STAU2: variants seen among roughly 807,000 people sequenced by gnomAD.
STAU2 encodes staufen double-stranded RNA binding protein 2.
A neutral mutation model predicts 65.9 loss-of-function variants in STAU2; 20 were observed. That is an observed-to-expected ratio of 0.30 (90% CI 0.21 to 0.44). The LOEUF (loss-of-function observed/expected upper bound fraction) is 0.44, where lower values mean the gene tolerates loss of function less well. Among genes scored for constraint, STAU2 ranks in the 20% least tolerant of loss-of-function variants. The pLI is 1.00. For missense variants in STAU2, 558 were observed against 683.9 expected (o/e 0.82, Z 2.05); for synonymous variants, 232 against 233.9 (o/e 0.99, Z 0.07).
At chr8:73,593,437 G>C (rs942734997) in intron 11 of STAU2, among the ~76,000 whole-genome samples, 1 of 152,262 alleles carries the variant, frequency 6.6e-6, no homozygotes, top group African/African-American at 2.4e-5. Context: ...AGAACGATCA[G>C]CTCCTTGAGT....
chr8:73,458,932 C>G (rs548313553), intron 13 of STAU2: 1 of 152,202 alleles, frequency 6.6e-6, no homozygotes, highest in Non-Finnish European at 1.5e-5. Flanking sequence ...GGCCAGGGAA[C>G]AGGGCCACAC....
In STAU2 at chr8:73,454,609, A is replaced by C. The variant is rs188734809; in HGVS notation, c.1531-31907T>G. On this transcript the variant is annotated intron_variant, in intron 13 of 14. Transcript: ENST00000524300. ...TCACTCTGTCCCAACAGGACATGCC[A>C]ATCATTTATCCATCCACTCTCTTCT... 1.7e-3 allele frequency among the ~76,000 whole-genome samples: 258 copies of C among 152,320 alleles called. 1 individual carries two copies. The highest frequency in any genetic ancestry group is 5.1e-3 in the African/African-American group (212 of 41,568).
chr8:73,712,468 G>A (rs548490174), intron 3 of STAU2, among the ~76,000 whole-genome samples: 32 of 152,182 alleles, frequency 2.1e-4, no homozygotes, highest in African/African-American at 7.2e-4. Flanking sequence ...TGGATTGAAT[G>A]AGATAATACC....
chr8:73,681,830 T>C (rs868280962), intron 5 of STAU2, among the ~76,000 whole-genome samples: 1 of 152,120 alleles, frequency 6.6e-6, no homozygotes, highest in Non-Finnish European at 1.5e-5. Context: ...GTAGCTATTC[T>C]TACATCAGAT....
At chr8:73,591,838 G>A (rs1289435402) in intron 11 of STAU2, among the ~76,000 whole-genome samples, 1 of 117,898 alleles carries the variant, frequency 8.5e-6, no homozygotes, top group Non-Finnish European at 1.7e-5. Flanking sequence ...AACATATTTT[G>A]AGTTGAATGA....
rs150805110 is a variant in STAU2, at chr8:73,443,809, C to T, written c.1531-21107G>A. 3.4e-3 allele frequency among the ~76,000 whole-genome samples: 518 copies of T among 151,258 alleles called. 18 individuals are homozygous for T. The highest frequency in any genetic ancestry group is 0.031 in the Admixed American group (467 of 15,178). On this transcript the variant is annotated intron_variant, in intron 13 of 14. Coordinates refer to ENST00000524300, the MANE Select transcript of STAU2 (RefSeq NM_001164380.2). ...GCTGCAGTGAGCTGAGATTGCTCCA[C>T]TGTACTCCAGCCTAGGTGACAGAGT...
At chr8:73,694,564 A>G (rs767242592) in intron 4 of STAU2, among the ~76,000 whole-genome samples, 1 of 152,360 alleles carries the variant, frequency 6.6e-6, no homozygotes, top group Non-Finnish European at 1.5e-5. Flanking sequence ...ACAAAAGCCT[A>G]TATATCATTC....
At chr8:73,711,131 CAAAAAA>C (rs751087630) in intron 3 of STAU2, among the ~76,000 whole-genome samples, 10 of 31,104 alleles carry the variant, frequency 3.2e-4, no homozygotes, top group East Asian at 1.2e-3. Flanking sequence ...AAGTGGCTTG[CAAAAAA>C]AAAAAAAAAA....
chr8:73,427,380 C>T (rs908701487), intron 13 of STAU2, among the ~76,000 whole-genome samples: 43 of 152,220 alleles, frequency 2.8e-4, no homozygotes, highest in Middle Eastern at 6.8e-3. Flanking sequence ...CATCTTTTGG[C>T]CCCACCTTAT....
intron 13 of STAU2, among the ~76,000 whole-genome samples, chr8:73,525,051 G>A (rs1489896619): frequency 6.6e-6 from 1 of 152,098 alleles, no homozygotes; most frequent in East Asian, 1.9e-4. Flanking sequence ...GAGGAGCAGT[G>A]ATCACACCCC....
chr8:73,554,798 T>G (rs34381426), intron 12 of STAU2, among the ~76,000 whole-genome samples: 4,667 of 152,240 alleles, frequency 0.031, 83 homozygotes, highest in Non-Finnish European at 0.049. Context: ...GAACCCAAAC[T>G]CCTTAGGATA....
chr8:73,576,387 C>T lies in STAU2; in HGVS notation c.1222+6383G>A, dbSNP rs763707074. Among the ~76,000 whole-genome samples, 36 of 151,378 alleles carry T rather than the reference C, an allele frequency of 2.4e-4. 1 individual carries two copies. The South Asian group carries it at 5.8e-3, about 25-fold the overall frequency. On this transcript the variant is annotated intron_variant, in intron 12 of 14. Transcript: ENST00000524300. The stretch of plus-strand genomic sequence containing the variant: ...GAATTCCAGAGGGCAATATACCATA[C>T]GACGCTATTTTTCTAAAGTTTAAAA...
At chr8:73,709,970 C>T (rs965126745) in intron 3 of STAU2, among the ~76,000 whole-genome samples, 1 of 152,012 alleles carries the variant, frequency 6.6e-6, no homozygotes, top group African/African-American at 2.4e-5. Flanking sequence ...AAATCTAGCA[C>T]ATTAATTTTA....
chr8:73,562,163 A>G (rs1361171131), intron 12 of STAU2, among the ~76,000 whole-genome samples: 2 of 152,346 alleles, frequency 1.3e-5, no homozygotes, highest in East Asian at 1.9e-4. Context: ...TCTAGGCTCA[A>G]TGAACCTCAG....
chr8:73,687,472 T>A (rs1263569533), intron 5 of STAU2, among the ~76,000 whole-genome samples: 9 of 140,066 alleles, frequency 6.4e-5, no homozygotes, highest in African/African-American at 2.4e-4. Context: ...AAATAAAATA[T>A]ATATAATTAT....
chr8:73,540,824 C>CT (rs35082081), intron 13 of STAU2, among the ~76,000 whole-genome samples: 72 of 150,096 alleles, frequency 4.8e-4, no homozygotes, highest in East Asian at 3.9e-3. Context: ...TGAGTTTTGA[C>CT]TTTTTTTTTT....
chr8:73,487,499 T>C (rs1253045019), intron 13 of STAU2, among the ~76,000 whole-genome samples: 1 of 152,118 alleles, frequency 6.6e-6, no homozygotes, highest in African/African-American at 2.4e-5. Context: ...CTTTTTCACA[T>C]AAACACACAG....
Position 73,552,057 on chromosome 8 carries a change from T to C in STAU2, c.1485A>G (p.Gln495=), listed in dbSNP as rs370311327. 1 of 1,602,902 alleles carries C rather than the reference T, an allele frequency of 6.2e-7. No individual in the cohort carries two copies. The highest frequency in any genetic ancestry group is 8.5e-7 in the Non-Finnish European group (1 of 1,173,488). ...SSPTPPCSPV[Q]PSKQLEYLAR... is the part of the protein sequence containing the mutation. Reference sequence around the variant, plus strand: ...CTAAATATTCCAGTTGTTTTGAAGGTTGTACTGGAGAACAAGGGGGAGTAG... The same window carrying C: ...CTAAATATTCCAGTTGTTTTGAAGGCTGTACTGGAGAACAAGGGGGAGTAG... The change falls in exon 13 of 15, where the codon CAA becomes CAG. Residue 495 remains glutamine, a synonymous_variant. Coordinates refer to ENST00000524300, the MANE Select transcript of STAU2 (RefSeq NM_001164380.2).
intron 6 of STAU2, among the ~76,000 whole-genome samples, chr8:73,633,152 G>A (rs911728585): frequency 6.6e-6 from 1 of 152,176 alleles, no homozygotes; most frequent in African/African-American, 2.4e-5. Context: ...TTACTGAGTG[G>A]TTTACTATAT....
Sources: gnomAD v4.1 joint callset for allele counts (sites outside exome capture counted in the v4.1 genomes callset) on GRCh38, gnomAD v4.1.1 for gene constraint, MANE v1.5 for transcripts, NCBI Gene and HGNC (gene_info 2026-07-23, HGNC 2026-07-21) for gene names.